VCAN: variants seen among roughly 807,000 people sequenced by gnomAD.
VCAN encodes versican, also known as versican core protein.
A neutral mutation model predicts 245.5 loss-of-function variants in VCAN; 44 were observed. The ratio of observed to expected loss-of-function variants is 0.18; its 90% CI spans 0.14 to 0.23. VCAN has a LOEUF of 0.23. Among genes scored for constraint, VCAN ranks in the 10% least tolerant of loss-of-function variants. VCAN has a pLI of 1.00. For synonymous variants in VCAN, 1,413 were observed against 1,437.0 expected, an observed-to-expected ratio of 0.98 and a Z score of 0.38; for missense variants, 3,793 against 4,057.9, an observed-to-expected ratio of 0.93 and a Z score of 1.77.
chr5:83,487,847 A>G (rs1744845969), intron 2 of VCAN, among the ~76,000 whole-genome samples: 1 of 152,170 alleles, frequency 6.6e-6, no homozygotes, highest in Non-Finnish European at 1.5e-5. Context: ...ATTGGGTTGA[A>G]TCTCATGTCT....
At position 83,519,542 on chromosome 5, in the gene VCAN, T is replaced by C. The variant is rs371250841; in HGVS notation, c.1236T>C (p.Pro412=). 6.2e-7 allele frequency: 1 copy of C among 1,614,136 alleles called. No homozygotes were observed. ...TTGAACAGAAAGCCACAGTCCAACC[T>C]CAGGCTATCACAGATAGTTTAGCCA... ...VSFEQKATVQ[P]QAITDSLATK... is the part of the protein sequence containing the mutation. Residue 412 remains proline, a synonymous_variant, in exon 7 of 15, where the codon CCT becomes CCC. Transcript: ENST00000265077.
In VCAN at chr5:83,490,299, T is replaced by C. The variant is rs200298343; in HGVS notation, c.272T>C (p.Ile91Thr). Residue 91 changes from isoleucine (I) to threonine (T), a missense_variant, in exon 3 of 15, where the codon ATC (isoleucine) becomes ACC (threonine). Ile to Thr is a moderately conservative substitution (Grantham distance 89). This residue lies in a region of VCAN where 179 missense variants were observed against 169.7 expected (regional missense o/e 1.05). Coordinates refer to ENST00000265077, the MANE Select transcript of VCAN (RefSeq NM_004385.5). ...TTVLVAQNGN[I>T]KIGQDYKGRV... Reference sequence around the variant, plus strand: ...GTCCTTGTGGCCCAAAATGGAAATATCAAGATTGGTCAGGACTACAAAGGG... The same window carrying C: ...GTCCTTGTGGCCCAAAATGGAAATACCAAGATTGGTCAGGACTACAAAGGG... 1.7e-5 allele frequency: 27 copies of C among 1,614,164 alleles called. No individual in the cohort carries two copies. Among genetic ancestry groups the C allele is most frequent in the East Asian group, 1.6e-4 (7 of 44,876 alleles).
rs1746086259 is a variant in VCAN at position 83,521,266 on chromosome 5, T to TACC, written c.2961_2963dup (p.Pro988dup). On this transcript the variant is annotated inframe_insertion, in exon 7 of 15. Coordinates refer to ENST00000265077, the MANE Select transcript of VCAN (RefSeq NM_004385.5). ...CCCAAGACAGACTGGGGAGTGTTAG[T>TACC]ACCTTCTGTTCCATCAGAAGATGAA... 6.2e-7 allele frequency: 1 copy of TACC among 1,614,046 alleles called. No individual in the cohort carries two copies. Among genetic ancestry groups the TACC allele is most frequent in the Non-Finnish European group, 8.5e-7 (1 of 1,179,984 alleles).
rs768152189 is a variant in VCAN, at chr5:83,580,052, A to G, written c.9953A>G (p.Asn3318Ser). ...AAGATGAAACCTCGTTATGAAATCA[A>G]CTCCCTGATTAGATACCACTGCAAA... ...FGKMKPRYEI[N>S]SLIRYHCKDG... Residue 3318 changes from asparagine (N) to serine (S), a missense_variant, in exon 14 of 15, where the codon AAC (asparagine) becomes AGC (serine). Physicochemically the swap from Asn to Ser is conservative, Grantham distance 46. Coordinates refer to ENST00000265077, the MANE Select transcript of VCAN (RefSeq NM_004385.5). The G allele has an allele frequency of 1.9e-6, 3 of 1,614,044 alleles. No homozygotes were observed. The highest frequency in any genetic ancestry group is 1.7e-5 in the Admixed American group (1 of 60,004).
intron 12 of VCAN, among the ~76,000 whole-genome samples, chr5:83,555,392 TA>T (rs1337840946): frequency 6.6e-6 from 1 of 152,182 alleles, no homozygotes; most frequent in African/African-American, 2.4e-5. Context: ...AAAGTCATTT[TA>T]AAAAAATACC....
chr5:83,521,093 A>C lies in VCAN; in HGVS notation c.2787A>C (p.Glu929Asp). ...TMEGSALGEVEDVDLSKPVST... is the reference protein window; with the variant it reads ...TMEGSALGEVDDVDLSKPVST... The stretch of plus-strand genomic sequence containing the variant: ...AAGGAAGTGCTTTGGGTGAAGTAGA[A>C]GATGTGGACCTCTCTAAGCCAGTAT... The change falls in exon 7 of 15, where the codon GAA (glutamate) becomes GAC (aspartate). Residue 929 changes from glutamate to aspartate, a missense_variant. By Grantham distance (45) the Glu-to-Asp change is conservative. Transcript: ENST00000265077. 1 of 1,614,166 alleles carries C rather than the reference A, an allele frequency of 6.2e-7. No homozygotes were observed. Among genetic ancestry groups the C allele is most frequent in the Non-Finnish European group, 8.5e-7 (1 of 1,180,002 alleles).
rs1748622100 is a variant in VCAN, at chr5:83,580,292, T to C, written c.10064-15T>C. On this transcript the variant is annotated splice_polypyrimidine_tract_variant and intron_variant, in intron 14 of 14. Transcript: ENST00000265077. ...ATTGTGTGTTTTCTTTTTTTCTTTC[T>C]TTCCTTCCATGTAGCATCTGCATAC... 3 of 1,613,746 alleles carry C rather than the reference T, an allele frequency of 1.9e-6. No homozygotes were observed. The highest frequency in any genetic ancestry group is 1.3e-5 in the African/African-American group (1 of 74,914).
Position 83,483,715 on chromosome 5 carries a change from A to C in VCAN, c.70+127A>C, listed in dbSNP as rs1744694212. 3 of 871,682 alleles carry C rather than the reference A, an allele frequency of 3.4e-6. No individual in the cohort carries two copies. In the Admixed American group the frequency reaches 6.2e-5, roughly 18 times the overall value. The allele number at this position is 871,682 out of a possible 1,614,324, so 54.0% of individuals were successfully genotyped here. On this transcript the variant is annotated intron_variant, in intron 2 of 14. Transcript: ENST00000265077. Reference sequence around the variant, plus strand: ...TAAAATCTATTAAGTGCTGAAAACTATCAGTTAAAATATTATTGGACCAAA... The same window carrying C: ...TAAAATCTATTAAGTGCTGAAAACTCTCAGTTAAAATATTATTGGACCAAA...
chr5:83,573,551 A>G (rs994183146), intron 13 of VCAN, among the ~76,000 whole-genome samples: 2 of 152,210 alleles, frequency 1.3e-5, no homozygotes, highest in East Asian at 3.8e-4. Flanking sequence ...GGAAAAAAAC[A>G]AATTTTAAAG....
At chr5:83,553,324 C>T (rs200489545) in intron 10 of VCAN, 40 bp from the exon 11 acceptor site, 72 of 1,612,700 alleles carry the variant, frequency 4.5e-5, no homozygotes, top group Non-Finnish European at 5.5e-5. Flanking sequence ...GTTTGAATGA[C>T]GTATGTGCGT....
chr5:83,572,470 G>C lies in VCAN; in HGVS notation c.9790G>C (p.Asp3264His), dbSNP rs1002449350. The stretch of plus-strand genomic sequence containing the variant: ...AGACAGCTTCTTTTCTGCTGGAGAA[G>C]ACTGTGTTGTAATCATTTGGCATGA... ...QPDSFFSAGE[D>H]CVVIIWHENG... Residue 3264 changes from aspartate (D) to histidine (H), a missense_variant, in exon 13 of 15, where the codon GAC (aspartate) becomes CAC (histidine). Transcript: ENST00000265077. 6.2e-7 allele frequency: 1 copy of C among 1,613,974 alleles called. No individual in the cohort carries two copies. Among genetic ancestry groups the C allele is most frequent in the Non-Finnish European group, 8.5e-7 (1 of 1,179,894 alleles).
chr5:83,480,240 CTTG>C (rs893965024), intron 1 of VCAN, among the ~76,000 whole-genome samples: 3 of 152,132 alleles, frequency 2.0e-5, no homozygotes, highest in Non-Finnish European at 4.4e-5. Context: ...GATGCGTATA[CTTG>C]TTGTACCTAT....
intron 1 of VCAN, among the ~76,000 whole-genome samples, chr5:83,474,433 T>G (rs1744307942): frequency 6.6e-6 from 1 of 151,910 alleles, no homozygotes; most frequent in African/African-American, 2.4e-5. Flanking sequence ...TGCAGAGGCG[T>G]GCCGGGATGG....
At chr5:83,478,544 G>T (rs1171424980) in intron 1 of VCAN, among the ~76,000 whole-genome samples, 3 of 152,168 alleles carry the variant, frequency 2.0e-5, no homozygotes, top group Non-Finnish European at 4.4e-5. Context: ...TGGAAACAGT[G>T]TAAAGGCTCA....
chr5:83,521,341 T>C lies in VCAN; in HGVS notation c.3035T>C (p.Leu1012Pro). The C allele has an allele frequency of 1.9e-6, 3 of 1,614,122 alleles. No homozygotes were observed. In the South Asian group the frequency reaches 3.3e-5, roughly 18 times the overall value. Residue 1012 changes from leucine (L) to proline (P), a missense_variant, in exon 7 of 15, where the codon CTT becomes CCT. By Grantham distance (98) the Leu-to-Pro change is moderately conservative. Transcript: ENST00000265077. The stretch of plus-strand genomic sequence containing the variant: ...ATACTTGTCATTGATCAGACTCGCC[T>C]TGAAGCGACTATTTCTCCAGAAACT... The part of the protein sequence containing the change: ...QDILVIDQTR[L>P]EATISPETMR...
At chr5:83,516,029 G>C (rs980623399) in intron 6 of VCAN, among the ~76,000 whole-genome samples, 1 of 152,150 alleles carries the variant, frequency 6.6e-6, no homozygotes, top group Non-Finnish European at 1.5e-5. Context: ...TCAGGAGATC[G>C]AGACCATCCT....
chr5:83,525,963 G>A (rs943970437), intron 7 of VCAN, among the ~76,000 whole-genome samples: 18 of 150,704 alleles, frequency 1.2e-4, no homozygotes, highest in Non-Finnish European at 1.8e-4. Flanking sequence ...TTTTTGCGAC[G>A]GAGTCTTGCT....
intron 6 of VCAN, among the ~76,000 whole-genome samples, chr5:83,517,634 G>A (rs533264726): frequency 6.6e-6 from 1 of 152,200 alleles, no homozygotes; most frequent in East Asian, 1.9e-4. Context: ...AGTTGTTCAT[G>A]TCAATCAAAA....
chr5:83,488,089 G>A (rs10043829), intron 2 of VCAN, among the ~76,000 whole-genome samples: 59,491 of 151,904 alleles, frequency 0.39, 11,965 homozygotes, highest in African/African-American at 0.48. Context: ...GAGATTTTCT[G>A]GAACATATGA....
Sources: allele counts gnomAD v4.1 joint callset (sites outside exome capture counted in the v4.1 genomes callset), GRCh38; gene constraint gnomAD v4.1.1; regional missense constraint gnomAD v4.1.1; transcripts MANE v1.5; gene names NCBI Gene and HGNC (gene_info 2026-07-23, HGNC 2026-07-21).